Variants in NFATC2 observed in about 807,000 individuals in gnomAD.
NFATC2 encodes nuclear factor of activated T-cells, cytoplasmic 2.
In NFATC2, 22 loss-of-function variants were observed where a neutral mutation model predicts 87.3. The observed-to-expected ratio is 0.25, with a 90% CI of 0.18 to 0.36. NFATC2 has a LOEUF of 0.36. Ranked by LOEUF, NFATC2 falls within the 10% of genes least tolerant of loss-of-function variation. The pLI is 1.00. For synonymous variants in NFATC2, 565 were observed against 542.2 expected (o/e 1.04, Z -0.58); for missense variants, 1,149 against 1,259.1 (o/e 0.91, Z 1.32).
chr20:51,441,828 T>G (rs1488784598), intron 6 of NFATC2, among the ~76,000 whole-genome samples: 1 of 152,212 alleles, frequency 6.6e-6, no homozygotes, highest in Non-Finnish European at 1.5e-5. Flanking sequence ...AGCGCATAGT[T>G]AATGCTGCTG....
At chr20:51,449,684 T>A (rs940411393) in intron 6 of NFATC2, among the ~76,000 whole-genome samples, 3 of 152,134 alleles carry the variant, frequency 2.0e-5, no homozygotes, top group Non-Finnish European at 2.9e-5. Context: ...AGGTGTGGGG[T>A]CTAGAGCCAG....
chr20:51,398,495 G>C (rs897839474), intron 10 of NFATC2, 148 bp downstream of exon 10: 4 of 561,704 alleles, frequency 7.1e-6, no homozygotes, highest in Non-Finnish European at 1.3e-5. Flanking sequence ...TTCAGGAGTG[G>C]AGGGGTCTAG....
At chr20:51,466,411 C>T (rs1015306910) in intron 5 of NFATC2, among the ~76,000 whole-genome samples, 4 of 152,044 alleles carry the variant, frequency 2.6e-5, no homozygotes, top group Admixed American at 6.6e-5. Flanking sequence ...AGCACCCAAC[C>T]GCCAGCTAGA....
intron 4 of NFATC2, 148 bp from the exon 5 acceptor site, chr20:51,474,300 G>A: frequency 1.1e-6 from 1 of 939,876 alleles, no homozygotes; most frequent in South Asian, 2.0e-5. Flanking sequence ...TACCAAGATG[G>A]GGGTAAAAAA....
intron 3 of NFATC2, among the ~76,000 whole-genome samples, chr20:51,510,063 G>A (rs750232603): frequency 6.6e-6 from 1 of 152,218 alleles, no homozygotes; most frequent in Non-Finnish European, 1.5e-5. Flanking sequence ...GGACTCTTTG[G>A]AGGTGAGTGC....
At position 51,388,942 on chromosome 20, in the gene NFATC2, T is replaced by C. The variant is rs1219901020; in HGVS notation, c.*2554A>G. ...CTGGAAATATTTCATGAGCCATCCTTCTTGGCAAAATTTCCTCCTAGCATT... is the reference window on the plus strand; with the variant it reads ...CTGGAAATATTTCATGAGCCATCCTCCTTGGCAAAATTTCCTCCTAGCATT... On this transcript the variant is annotated 3_prime_UTR_variant, in exon 11 of 11. Transcript: ENST00000371564. The C allele has an allele frequency of 6.6e-6, 1 of 152,246 alleles. No homozygotes were observed. Among genetic ancestry groups the C allele is most frequent in the African/African-American group, 2.4e-5 (1 of 41,462 alleles). 9.4% of individuals were successfully genotyped at this position (152,246 alleles called of 1,614,324 possible). A position where few individuals can be genotyped will look rare whatever the true frequency, so the allele number is the denominator to read the frequency against.
intron 4 of NFATC2, 121 bp downstream of exon 4, chr20:51,475,337 G>T: frequency 1.1e-6 from 1 of 907,248 alleles, no homozygotes; most frequent in Non-Finnish European, 1.8e-6. Context: ...ATCACAGACT[G>T]AGAACTGCCA....
intron 3 of NFATC2, 81 bp downstream of exon 3, chr20:51,516,703 A>G: frequency 6.9e-7 from 1 of 1,454,468 alleles, no homozygotes; most frequent in Non-Finnish European, 9.3e-7. Flanking sequence ...CACCTTAACA[A>G]GCAACAAACA....
chr20:51,487,119 C>G (rs1434168128), intron 3 of NFATC2, among the ~76,000 whole-genome samples: 1 of 152,194 alleles, frequency 6.6e-6, no homozygotes, highest in Non-Finnish European at 1.5e-5. Context: ...ACTCAGGACA[C>G]TGACCTGATA....
rs56939528 is a variant in NFATC2 at position 51,462,280 on chromosome 20, C to CAAA, written c.1709-7595_1709-7593dup. Among the ~76,000 whole-genome samples the CAAA allele has an allele frequency of 8.9e-3, 1,151 of 128,672 alleles. 23 individuals are homozygous for CAAA. Among genetic ancestry groups the CAAA allele is most frequent in the African/African-American group, 0.032 (1,068 of 33,052 alleles). 84.4% of individuals were successfully genotyped at this position (128,672 alleles called of 152,430 possible). The stretch of plus-strand genomic sequence containing the variant: ...TGAAACCCCATCTCTGCTAATAATA[C>CAAA]AAAAAAAAAAAAAAAAATAGCTGGG... On this transcript the variant is annotated intron_variant, in intron 5 of 10. Transcript: ENST00000371564.
Position 51,388,144 on chromosome 20 carries a change from C to T in NFATC2, c.*3352G>A, listed in dbSNP as rs992664801. 1 of 152,174 alleles carries T rather than the reference C, an allele frequency of 6.6e-6. No homozygotes were observed. Among genetic ancestry groups the T allele is most frequent in the Non-Finnish European group, 1.5e-5 (1 of 68,036 alleles). 9.4% of individuals were successfully genotyped at this position (152,174 alleles called of 1,614,324 possible). A position where few individuals can be genotyped will look rare whatever the true frequency, so the allele number is the denominator to read the frequency against. On this transcript the variant is annotated 3_prime_UTR_variant, in exon 11 of 11. Coordinates refer to ENST00000371564, the MANE Select transcript of NFATC2 (RefSeq NM_012340.5). ...TACCAGGATTTAGATTTGGTCCCTT[C>T]TGTAAATATTAGCCTGAACGTTGAG...
At chr20:51,406,396 C>T (rs1004615229) in intron 9 of NFATC2, among the ~76,000 whole-genome samples, 3 of 151,952 alleles carry the variant, frequency 2.0e-5, no homozygotes, top group East Asian at 1.9e-4. Flanking sequence ...GTGTTGGCAT[C>T]GTTGTTAGCT....
intron 1 of NFATC2, among the ~76,000 whole-genome samples, chr20:51,527,500 C>T (rs897492957): frequency 5.9e-5 from 9 of 151,880 alleles, no homozygotes; most frequent in Admixed American, 3.9e-4. Context: ...GCCCTTCCCT[C>T]GACCTCGAGA....
At chr20:51,463,009 C>A (rs1308417065) in intron 5 of NFATC2, among the ~76,000 whole-genome samples, 1 of 152,270 alleles carries the variant, frequency 6.6e-6, no homozygotes, top group Non-Finnish European at 1.5e-5. Flanking sequence ...CTGGCCCGAG[C>A]ACTGAGCAAC....
upstream of NFATC2, among the ~76,000 whole-genome samples, chr20:51,543,149 A>G (rs2076853259): frequency 6.6e-6 from 1 of 152,012 alleles, no homozygotes; most frequent in Non-Finnish European, 1.5e-5. Context: ...CATGATTTTC[A>G]CAGTACTTCA....
intron 9 of NFATC2, among the ~76,000 whole-genome samples, chr20:51,424,383 G>A (rs1243689613): frequency 6.6e-6 from 1 of 152,178 alleles, no homozygotes; most frequent in Non-Finnish European, 1.5e-5. Flanking sequence ...TGACAAGGAA[G>A]AGGAGGAGGA....
chr20:51,424,466 C>G (rs1021605968), intron 9 of NFATC2, among the ~76,000 whole-genome samples: 2 of 152,198 alleles, frequency 1.3e-5, no homozygotes, highest in African/African-American at 2.4e-5. Context: ...GCGTCTGGTA[C>G]TGGGCAAAGA....
upstream of NFATC2, among the ~76,000 whole-genome samples, chr20:51,546,512 C>T (rs549951338): frequency 9.2e-5 from 14 of 152,270 alleles, no homozygotes; most frequent in East Asian, 1.4e-3. Context: ...CACAGGGCAT[C>T]GCTGTCAACT....
chr20:51,394,542 C>G (rs1435065288), intron 10 of NFATC2, among the ~76,000 whole-genome samples: 1 of 151,682 alleles, frequency 6.6e-6, no homozygotes, highest in Non-Finnish European at 1.5e-5. Flanking sequence ...CCACCCCCAG[C>G]CCAGTCGCAC....
Sources: gnomAD v4.1 joint callset for allele counts (sites outside exome capture counted in the v4.1 genomes callset) on GRCh38, gnomAD v4.1.1 for gene constraint, MANE v1.5 for transcripts, NCBI Gene and HGNC (gene_info 2026-07-23, HGNC 2026-07-21) for gene names.